The following ERBIN variants were observed in gnomAD, a reference collection of about 807,000 sequenced individuals.
The protein encoded by ERBIN is densin-180-like protein.
In ERBIN, 60 loss-of-function variants were observed where a neutral mutation model predicts 158.4. That is an observed-to-expected ratio of 0.38 (90% CI 0.31 to 0.47). The LOEUF (loss-of-function observed/expected upper bound fraction) is 0.47, where lower values mean the gene tolerates loss of function less well. Ranked by LOEUF, ERBIN falls within the 20% of genes least tolerant of loss-of-function variation. The pLI is 0.99. For synonymous variants in ERBIN, 594 were observed against 557.2 expected (o/e 1.07, Z -0.93); for missense variants, 1,610 against 1,648.0 (o/e 0.98, Z 0.40).
At chr5:66,047,652 A>C (rs1758578532) in intron 18 of ERBIN, among the ~76,000 whole-genome samples, 1 of 151,960 alleles carries the variant, frequency 6.6e-6, no homozygotes, top group Non-Finnish European at 1.5e-5. Context: ...TTCATCCCTA[A>C]AATTTCAAAA....
chr5:66,063,702 A>G (rs152933), intron 21 of ERBIN, among the ~76,000 whole-genome samples: 40,476 of 152,018 alleles, frequency 0.27, 7,150 homozygotes, highest in African/African-American at 0.47. Context: ...CTCGATTAAG[A>G]CATTTTTAAA....
intron 4 of ERBIN, among the ~76,000 whole-genome samples, chr5:66,009,530 G>A (rs755000679): frequency 6.6e-6 from 1 of 152,116 alleles, no homozygotes; most frequent in African/African-American, 2.4e-5. Flanking sequence ...GTAAACAATT[G>A]TAAAAATGCC....
At chr5:66,012,744 C>A (rs572927073) in intron 5 of ERBIN, among the ~76,000 whole-genome samples, 1 of 152,242 alleles carries the variant, frequency 6.6e-6, no homozygotes, top group African/African-American at 2.4e-5. Flanking sequence ...TTATGTATAG[C>A]CTCTTCATTT....
At chr5:66,072,783 C>T (rs532540703) in intron 22 of ERBIN, among the ~76,000 whole-genome samples, 1 of 152,200 alleles carries the variant, frequency 6.6e-6, no homozygotes, top group Admixed American at 6.5e-5. Context: ...CTATGTATGG[C>T]CAGTGCCAGA....
rs76936531 is a variant in ERBIN at position 65,999,966 on chromosome 5, T to C, written c.307+5102T>C. On this transcript the variant is annotated intron_variant, in intron 4 of 25. Transcript: ENST00000284037. Reference sequence around the variant, plus strand: ...AGTTGTCATCATATCTACCTTTTCATCCTAAAGGAGTATCTCTACATATGT... The same window carrying C: ...AGTTGTCATCATATCTACCTTTTCACCCTAAAGGAGTATCTCTACATATGT... 6.3e-3 allele frequency among the ~76,000 whole-genome samples: 962 copies of C among 152,286 alleles called. 15 individuals carry two copies. The highest frequency in any genetic ancestry group is 0.022 in the African/African-American group (923 of 41,554).
At position 65,989,605 on chromosome 5, in the gene ERBIN, TTA is replaced by T. The variant is rs375080442; in HGVS notation, c.-10+927_-10+928del. ...CTACAGAAAAAAAAATCGGAAATTG[TTA>T]TATCTCCATGAACAATTACTTGACC... On this transcript the variant is annotated intron_variant, in intron 2 of 25. Transcript: ENST00000284037. Among the ~76,000 whole-genome samples, 40 of 152,332 alleles carry T rather than the reference TTA, an allele frequency of 2.6e-4. No homozygotes were observed. In the South Asian group the frequency reaches 7.7e-3, roughly 29 times the overall value.
intron 11 of ERBIN, 49 bp downstream of exon 11, chr5:66,025,601 C>T (rs1756159478): frequency 1.5e-6 from 2 of 1,342,074 alleles, no homozygotes; most frequent in Non-Finnish European, 2.1e-6. Context: ...ACTTTCAGTT[C>T]AGCATGCCAT....
At chr5:66,051,850 AC>A (rs1233128225) in intron 20 of ERBIN, among the ~76,000 whole-genome samples, 10 of 148,080 alleles carry the variant, frequency 6.8e-5, no homozygotes, top group Non-Finnish European at 1.5e-4. Flanking sequence ...AGCTGTGATC[AC>A]CCCACTGCAT....
At chr5:65,945,693 T>G in intron 1 of ERBIN, among the ~76,000 whole-genome samples, 1 of 152,208 alleles carries the variant, frequency 6.6e-6, no homozygotes, top group East Asian at 1.9e-4. Context: ...CTTTAGCTAA[T>G]TTTCTTTTTA....
At chr5:65,929,950 T>A (rs1304173412) in intron 1 of ERBIN, among the ~76,000 whole-genome samples, 1 of 152,156 alleles carries the variant, frequency 6.6e-6, no homozygotes, top group East Asian at 1.9e-4. Flanking sequence ...TACTGCTAAC[T>A]CCCATTTTTC....
At chr5:65,962,719 A>G (rs956128014) in intron 1 of ERBIN, among the ~76,000 whole-genome samples, 1 of 152,128 alleles carries the variant, frequency 6.6e-6, no homozygotes, top group African/African-American at 2.4e-5. Flanking sequence ...AACAAGTAAT[A>G]CTTGAACTGG....
At chr5:66,035,256 TA>T (rs1342193695) in intron 14 of ERBIN, among the ~76,000 whole-genome samples, 1 of 152,318 alleles carries the variant, frequency 6.6e-6, no homozygotes, top group African/African-American at 2.4e-5. Context: ...TTCACATTCA[TA>T]TAGCTCAATT....
At chr5:66,042,610 C>T (rs745938426) in intron 15 of ERBIN, among the ~76,000 whole-genome samples, 8 of 151,964 alleles carry the variant, frequency 5.3e-5, no homozygotes, top group Non-Finnish European at 1.0e-4. Context: ...CCCTATATAT[C>T]TGATAGAATA....
In ERBIN at chr5:66,080,981, TAAA is replaced by T. The variant is rs1453450295; in HGVS notation, c.*2452_*2454del. On this transcript the variant is annotated 3_prime_UTR_variant, in exon 26 of 26. Transcript: ENST00000284037. ...ACTTTGAATTAGAATTTTGCTGTAA[TAAA>T]GTTTCAAAATTTGAATAAAATAATT... is the stretch of plus-strand genomic sequence containing the variant. 1 of 152,020 alleles carries T rather than the reference TAAA, an allele frequency of 6.6e-6. No individual in the cohort carries two copies. Among genetic ancestry groups the T allele is most frequent in the Non-Finnish European group, 1.5e-5 (1 of 67,868 alleles). The allele number at this position is 152,020 out of a possible 1,614,324, so 9.4% of individuals were successfully genotyped here. A position where few individuals can be genotyped will look rare whatever the true frequency, so the allele number is the denominator to read the frequency against.
At chr5:66,040,644 CTT>C (rs1757832119) in intron 15 of ERBIN, among the ~76,000 whole-genome samples, 1 of 151,746 alleles carries the variant, frequency 6.6e-6, no homozygotes, top group African/African-American at 2.4e-5. Flanking sequence ...AGGCTTTTGT[CTT>C]TATCCCAGTG....
chr5:66,061,261 A>C (rs1410312958), intron 21 of ERBIN, among the ~76,000 whole-genome samples: 1 of 139,640 alleles, frequency 7.2e-6, no homozygotes, highest in Non-Finnish European at 1.5e-5. Context: ...TAGGATAGTT[A>C]GTTCTTGTTG....
rs192034899 is a variant in ERBIN at position 66,048,967 on chromosome 5, T to C, written c.1903+186T>C. Among the ~76,000 whole-genome samples, 11 of 152,186 alleles carry C rather than the reference T, an allele frequency of 7.2e-5. No homozygotes were observed. In the East Asian group the frequency reaches 1.9e-3, roughly 27 times the overall value. ...TTAGGGAAAGTCCTTGATAGTCTTTTCTTTCTCCTCATGCAAATTTACTTA... is the reference window on the plus strand; with the variant it reads ...TTAGGGAAAGTCCTTGATAGTCTTTCCTTTCTCCTCATGCAAATTTACTTA... On this transcript the variant is annotated intron_variant, in intron 19 of 25. Transcript: ENST00000284037.
At chr5:66,051,026 TAAC>T (rs2151228280) in intron 20 of ERBIN, 60 bp downstream of exon 20, 2 of 1,077,942 alleles carry the variant, frequency 1.9e-6, no homozygotes, top group Non-Finnish European at 2.7e-6. Flanking sequence ...GTAAGGCAGA[TAAC>T]AAATACATAA....
intron 1 of ERBIN, among the ~76,000 whole-genome samples, chr5:65,967,031 G>A (rs992608173): frequency 6.6e-6 from 1 of 152,104 alleles, no homozygotes; most frequent in Non-Finnish European, 1.5e-5. Context: ...CAACTACTTA[G>A]GAGGCTGAGG....
Sources: allele counts gnomAD v4.1 joint callset (sites outside exome capture counted in the v4.1 genomes callset), GRCh38; gene constraint gnomAD v4.1.1; transcripts MANE v1.5; gene names NCBI Gene and HGNC (gene_info 2026-07-23, HGNC 2026-07-21).